The following LRIT1 variants were observed in gnomAD, a reference collection of about 807,000 sequenced individuals.
LRIT1 encodes the protein leucine-rich repeat, immunoglobulin-like domain and transmembrane domain-containing protein 1.
LRIT1 carries 23 observed loss-of-function variants against 24.0 expected under a neutral mutation model. The observed-to-expected ratio is 0.96, with a 90% CI of 0.69 to 1.36. The LOEUF (loss-of-function observed/expected upper bound fraction) is 1.36, where lower values mean the gene tolerates loss of function less well. LRIT1 is among the 40% of genes most tolerant of loss of function. LRIT1 has a pLI of 0.00. For missense variants in LRIT1, 846 were observed against 806.3 expected (o/e 1.05, Z -0.60); for synonymous variants, 361 against 340.5 (o/e 1.06, Z -0.66).
intron 1 of LRIT1, among the ~76,000 whole-genome samples, chr10:84,238,424 A>C (rs1292605312): frequency 6.6e-6 from 1 of 151,978 alleles, no homozygotes; most frequent in Non-Finnish European, 1.5e-5. Context: ...TTATCGTTTA[A>C]CAAAAAATAT....
rs1842607642 is a variant in LRIT1 at position 84,232,356 on chromosome 10, G to A, written c.1443C>T (p.Thr481=). 1.2e-6 allele frequency: 2 copies of A among 1,613,836 alleles called. No individual in the cohort carries two copies. The highest frequency in any genetic ancestry group is 1.7e-6 in the Non-Finnish European group (2 of 1,179,902). The stretch of plus-strand genomic sequence containing the variant: ...GCAACAGCCCAGTGATGGTCACTCT[G>A]GTCTTCCCAGGCTGCACAATCACCC... ...MRRVIVQPGK[T]RVTITGLLPK... The change falls in exon 4 of 4, where the codon ACC becomes ACT. Residue 481 remains threonine (T), a synonymous_variant. Coordinates refer to ENST00000372105, the MANE Select transcript of LRIT1 (RefSeq NM_015613.3).
chr10:84,232,939 G>A (rs375463940), intron 3 of LRIT1, 36 bp from the exon 4 acceptor site: 37 of 1,583,986 alleles, frequency 2.3e-5, no homozygotes, highest in Non-Finnish European at 3.1e-5. Flanking sequence ...GAGAACGAAT[G>A]GGCCCATCTG....
In LRIT1 at chr10:84,232,114, T is replaced by C. The variant is rs1164662148; in HGVS notation, c.1685A>G (p.Lys562Arg). Residue 562 changes from lysine (K) to arginine (R), a missense_variant, in exon 4 of 4, where the codon AAG (lysine) becomes AGG (arginine). Lys to Arg is a conservative substitution (Grantham distance 26). Coordinates refer to ENST00000372105, the MANE Select transcript of LRIT1 (RefSeq NM_015613.3). ...GGTAACTGTGGCCTCAGTGGAGTCC[T>C]TGTTGAAGCACTTTCGGCAGCGCTT... Reference protein sequence around the residue: ...LQKRCRKCFNKDSTEATVTYV... With the variant: ...LQKRCRKCFNRDSTEATVTYV... 2.5e-6 allele frequency: 4 copies of C among 1,614,030 alleles called. No individual in the cohort carries two copies. Among genetic ancestry groups the C allele is most frequent in the Non-Finnish European group, 3.4e-6 (4 of 1,180,028 alleles).
intron 1 of LRIT1, among the ~76,000 whole-genome samples, chr10:84,240,142 G>A (rs992803208): frequency 1.3e-5 from 2 of 152,238 alleles, no homozygotes; most frequent in African/African-American, 4.8e-5. Flanking sequence ...TTCCAGGACC[G>A]GTTTTGTCAA....
chr10:84,237,636 G>T lies in LRIT1; in HGVS notation c.173C>A (p.Pro58His), dbSNP rs1165706336. 2 of 1,605,912 alleles carry T rather than the reference G, an allele frequency of 1.2e-6. No individual in the cohort carries two copies. The highest frequency in any genetic ancestry group is 1.7e-5 in the Admixed American group (1 of 59,856). The change falls in exon 2 of 4, where the codon CCC becomes CAC. Residue 58 changes from proline to histidine, a missense_variant. Pro to His is a moderately conservative substitution (Grantham distance 77, BLOSUM62 -2). Transcript: ENST00000372105. ...CAGGCGCAGTCTGGAGGTGTCCGGG[G>T]GGATGGACGCCGGGGGCAGGGTCAT... The part of the protein sequence containing the change: ...PDMTLPPASI[P>H]PDTSRLRLER...
chr10:84,232,876 G>A lies in LRIT1; in HGVS notation c.923C>T (p.Thr308Met), dbSNP rs75589469. 1,134 of 1,612,350 alleles carry A rather than the reference G, an allele frequency of 7.0e-4. 8 individuals carry two copies. In the African/African-American group the frequency reaches 0.013, roughly 19 times the overall value. Residue 308 changes from threonine to methionine, a missense_variant, in exon 4 of 4, where the codon ACG becomes ATG. Thr to Met is a moderately conservative substitution (Grantham distance 81). Transcript: ENST00000372105. ...AGGCAGGCCCAGCAGAGTCCAGCTC[G>A]TGCCGTCACTGGAGACTTCCTGGTG... ...TVHQEVSSDG[T>M]SWTLLGLPAV...
At chr10:84,238,156 T>C (rs1287994197) in intron 1 of LRIT1, among the ~76,000 whole-genome samples, 1 of 152,010 alleles carries the variant, frequency 6.6e-6, no homozygotes, top group Non-Finnish European at 1.5e-5. Context: ...GAGTTCAAGA[T>C]TAGCCTGGCC....
chr10:84,240,188 G>C (rs1410872713), intron 1 of LRIT1, among the ~76,000 whole-genome samples: 3 of 152,188 alleles, frequency 2.0e-5, no homozygotes, highest in Non-Finnish European at 2.9e-5. Flanking sequence ...TGCCTTCTAC[G>C]GGTGGTGGGA....
Position 84,234,173 on chromosome 10 carries a change from G to A in LRIT1, c.795C>T (p.Ser265=), listed in dbSNP as rs1842628011. 4 of 1,613,914 alleles carry A rather than the reference G, an allele frequency of 2.5e-6. No individual in the cohort carries two copies. Among genetic ancestry groups the A allele is most frequent in the Non-Finnish European group, 1.7e-6 (2 of 1,179,970 alleles). The part of the protein sequence containing the change: ...ELHPGVASIR[S]LLGGTALLRC... Reference sequence around the variant, plus strand: ...GTAGCAGTGCTGTGCCACCCAAAAGGGACCTGATGCTGGCCACTCCTGGAT... The same window carrying A: ...GTAGCAGTGCTGTGCCACCCAAAAGAGACCTGATGCTGGCCACTCCTGGAT... Residue 265 remains serine, a synonymous_variant, in exon 3 of 4, where the codon TCC becomes TCT. Transcript: ENST00000372105.
intron 1 of LRIT1, among the ~76,000 whole-genome samples, chr10:84,238,980 T>C (rs553499096): frequency 6.6e-6 from 1 of 152,358 alleles, no homozygotes; most frequent in Admixed American, 6.5e-5. Context: ...GGTTGTTCTC[T>C]TGTAATAGCA....
At position 84,231,983 on chromosome 10, in the gene LRIT1, C is replaced by T; in HGVS notation, c.1816G>A (p.Asp606Asn). Residue 606 changes from aspartate (D) to asparagine (N), a missense_variant, in exon 4 of 4, where the codon GAC becomes AAC. Coordinates refer to ENST00000372105, the MANE Select transcript of LRIT1 (RefSeq NM_015613.3). ...DRLLSARSSV[D>N]FQAFGVKGGR... Reference sequence around the variant, plus strand: ...CCTTTGACTCCAAAGGCCTGAAAGTCCACACTGGAACGAGCTGAGAGAAGC... The same window carrying T: ...CCTTTGACTCCAAAGGCCTGAAAGTTCACACTGGAACGAGCTGAGAGAAGC... 1.2e-6 allele frequency: 2 copies of T among 1,613,918 alleles called. No individual in the cohort carries two copies. Among genetic ancestry groups the T allele is most frequent in the Non-Finnish European group, 1.7e-6 (2 of 1,179,892 alleles).
intron 2 of LRIT1, among the ~76,000 whole-genome samples, chr10:84,235,427 T>C (rs1842639754): frequency 6.6e-6 from 1 of 152,206 alleles, no homozygotes; most frequent in African/African-American, 2.4e-5. Context: ...AGTGGTGAGC[T>C]ACCTGGCTTT....
In LRIT1 at chr10:84,234,356, T is replaced by G; in HGVS notation, c.612A>C (p.Ala204=). Residue 204 remains alanine (A), a synonymous_variant, in exon 3 of 4, where the codon GCA becomes GCC. Transcript: ENST00000372105. The part of the protein sequence containing the change: ...RVLGLQDNPW[A]CDCRLYDLVH... Reference sequence around the variant, plus strand: ...CCAGGTCATAGAGTCGGCAGTCACATGCCCAGGGGTTGTCCTGTAGCCCTG... The same window carrying G: ...CCAGGTCATAGAGTCGGCAGTCACAGGCCCAGGGGTTGTCCTGTAGCCCTG... The G allele has an allele frequency of 6.4e-7, 1 of 1,568,232 alleles. No homozygotes were observed. The highest frequency in any genetic ancestry group is 8.7e-7 in the Non-Finnish European group (1 of 1,156,004).
intron 1 of LRIT1, among the ~76,000 whole-genome samples, chr10:84,240,504 G>A (rs1453361003): frequency 6.6e-6 from 1 of 152,194 alleles, no homozygotes; most frequent in Non-Finnish European, 1.5e-5. Context: ...CCATGCAGAG[G>A]TCATTAATGG....
In LRIT1 at chr10:84,232,301, C is replaced by T. The variant is rs1243932090; in HGVS notation, c.1498G>A (p.Val500Met). The T allele has an allele frequency of 6.2e-7, 1 of 1,613,958 alleles. No individual in the cohort carries two copies. Among genetic ancestry groups the T allele is most frequent in the African/African-American group, 1.3e-5 (1 of 74,946 alleles). ...TCCTTCCGGGGCACCAGGCCCTGCA[C>T]ACAGACACACGCCACATACTTGGTC... The part of the protein sequence containing the change: ...PKTKYVACVC[V>M]QGLVPRKEQC... Residue 500 changes from valine to methionine, a missense_variant, in exon 4 of 4, where the codon GTG (valine) becomes ATG (methionine). Transcript: ENST00000372105.
Position 84,241,448 on chromosome 10 carries a change from G to A in LRIT1, c.-9C>T. The A allele has an allele frequency of 1.3e-6, 2 of 1,553,734 alleles. No individual in the cohort carries two copies. Among genetic ancestry groups the A allele is most frequent in the Admixed American group, 1.9e-5 (1 of 52,320 alleles). On this transcript the variant is annotated 5_prime_UTR_variant, in exon 1 of 4. Coordinates refer to ENST00000372105, the MANE Select transcript of LRIT1 (RefSeq NM_015613.3). The stretch of plus-strand genomic sequence containing the variant: ...CCTAATGCCACCCTCATGGCTCCTG[G>A]CTCCTCTCTGGCCCAGGCAGGGGCC...
chr10:84,234,011 G>A, intron 3 of LRIT1, 62 bp downstream of exon 3: 1 of 1,359,116 alleles, frequency 7.4e-7, no homozygotes, highest in Non-Finnish European at 9.6e-7. Flanking sequence ...ATCCCCATTT[G>A]GGGAGCTGCT....
In LRIT1 at chr10:84,232,755, T is replaced by C. The variant is rs3814209; in HGVS notation, c.1044A>G (p.Pro348=). 654,233 of 1,613,618 alleles carry C rather than the reference T, an allele frequency of 0.41. 141,052 individuals are homozygous for C. Among genetic ancestry groups the C allele is most frequent in the African/African-American group, 0.8 (60,249 of 74,972 alleles). Residue 348 remains proline (P), a synonymous_variant, in exon 4 of 4, where the codon CCA becomes CCG. Coordinates refer to ENST00000372105, the MANE Select transcript of LRIT1 (RefSeq NM_015613.3). ...TCCCACTGTGTTCTGTGGAAGTCGG[T>C]GGCTCAGTGACAATCAAGGAGATAA... is the stretch of plus-strand genomic sequence containing the variant. ...ETVISLIVTE[P]PTSTEHSGSP...
In LRIT1 at chr10:84,237,411, A is replaced by G. The variant is rs948008494; in HGVS notation, c.398T>C (p.Leu133Pro). 1.9e-6 allele frequency: 3 copies of G among 1,546,964 alleles called. No homozygotes were observed. Among genetic ancestry groups the G allele is most frequent in the Non-Finnish European group, 2.6e-6 (3 of 1,146,926 alleles). The change falls in exon 2 of 4, where the codon CTG (leucine) becomes CCG (proline). Residue 133 changes from leucine (L) to proline (P), a missense_variant. Transcript: ENST00000372105. ...GTTGGCCTGCAGGTCCAGCAGCCGC[A>G]GCTTGGGGGCGTCCCTGAGCGCCGC... ...PWAALRDAPKLRLLDLQANRL... is the reference protein window; with the variant it reads ...PWAALRDAPKPRLLDLQANRL...
Sources: gnomAD v4.1 joint callset for allele counts (sites outside exome capture counted in the v4.1 genomes callset) on GRCh38, gnomAD v4.1.1 for gene constraint, MANE v1.5 for transcripts, NCBI Gene and HGNC (gene_info 2026-07-23, HGNC 2026-07-21) for gene names.